VPS13D: variants seen among roughly 807,000 people sequenced by gnomAD.
VPS13D encodes vacuolar protein sorting 13 homolog D.
In VPS13D, 187 loss-of-function variants were observed where a neutral mutation model predicts 461.9. The ratio of observed to expected loss-of-function variants is 0.40; its 90% CI spans 0.36 to 0.46. The LOEUF (loss-of-function observed/expected upper bound fraction) is 0.46. Among genes scored for constraint, VPS13D ranks in the 20% least tolerant of loss-of-function variants. VPS13D has a pLI of 0.60. For synonymous variants in VPS13D, 1,951 were observed against 1,986.3 expected (o/e 0.98, Z 0.47); for missense variants, 4,711 against 5,364.9 (o/e 0.88, Z 3.81).
rs538071177 is a variant in VPS13D, at chr1:12,359,803, A to G, written c.10141+1202A>G. 1.6e-4 allele frequency among the ~76,000 whole-genome samples: 25 copies of G among 152,332 alleles called. No individual in the cohort carries two copies. In the South Asian group the frequency reaches 5.0e-3, roughly 30 times the overall value. The stretch of plus-strand genomic sequence containing the variant: ...ACATTAAGATTTTTAAAAGAAAGAA[A>G]CTTGATTTGATCTTGCAGCACAGGA... On this transcript the variant is annotated intron_variant, in intron 50 of 69. Transcript: ENST00000620676.
intron 10 of VPS13D, among the ~76,000 whole-genome samples, chr1:12,258,552 C>T (rs917672275): frequency 1.3e-5 from 2 of 152,140 alleles, no homozygotes; most frequent in Non-Finnish European, 2.9e-5. Context: ...GGGTGAAGTA[C>T]GTGGTGAAGG....
chr1:12,249,345 T>C lies in VPS13D; in HGVS notation c.564+6T>C, dbSNP rs769782591. 2 of 1,603,208 alleles carry C rather than the reference T, an allele frequency of 1.2e-6. No individual in the cohort carries two copies. Among genetic ancestry groups the C allele is most frequent in the South Asian group, 2.2e-5 (2 of 88,894 alleles). On this transcript the variant is annotated splice_donor_region_variant and intron_variant, in intron 6 of 69. Coordinates refer to ENST00000620676, the MANE Select transcript of VPS13D (RefSeq NM_015378.4). ...AAAATGCTGTGAATGAGCCTGTGAGTATGAAATGTGATGACAAAGCAGGAA... is the reference window on the plus strand; with the variant it reads ...AAAATGCTGTGAATGAGCCTGTGAGCATGAAATGTGATGACAAAGCAGGAA...
chr1:12,379,922 C>G (rs145921820), intron 57 of VPS13D, among the ~76,000 whole-genome samples: 2,944 of 152,194 alleles, frequency 0.019, 113 homozygotes, highest in Admixed American at 0.1. Context: ...GTGCCCGCCA[C>G]CACGCCCGGC....
rs772039780 is a variant in VPS13D at position 12,244,442 on chromosome 1, G to A, written c.366+6G>A. 1.2e-6 allele frequency: 2 copies of A among 1,614,062 alleles called. No individual in the cohort carries two copies. The highest frequency in any genetic ancestry group is 8.5e-7 in the Non-Finnish European group (1 of 1,179,960). ...CCCTGGAGGAGAAATGGAAGGCAAG[G>A]CAGAGATCTTCTGGGCCATAAGAGC... On this transcript the variant is annotated splice_donor_region_variant and intron_variant, in intron 4 of 69. Transcript: ENST00000620676.
chr1:12,382,333 C>G (rs774580228), intron 57 of VPS13D, among the ~76,000 whole-genome samples: 1 of 152,114 alleles, frequency 6.6e-6, no homozygotes, highest in Non-Finnish European at 1.5e-5. Flanking sequence ...AACTCCTGAC[C>G]TCAGATGATT....
intron 2 of VPS13D, among the ~76,000 whole-genome samples, chr1:12,237,636 T>G (rs752159417): frequency 8.0e-5 from 12 of 150,566 alleles, no homozygotes; most frequent in Non-Finnish European, 1.6e-4. Flanking sequence ...CTGGGCAACA[T>G]GGTGAGATCC....
At chr1:12,239,268 C>T (rs1314614789) in intron 2 of VPS13D, among the ~76,000 whole-genome samples, 1 of 152,150 alleles carries the variant, frequency 6.6e-6, no homozygotes. Flanking sequence ...TCCTGAGTAG[C>T]TGGGACTCCA....
chr1:12,253,626 C>T, intron 6 of VPS13D, 96 bp from the exon 7 acceptor site: 1 of 975,728 alleles, frequency 1.0e-6, no homozygotes, highest in Non-Finnish European at 1.6e-6. Context: ...TTGCAAAGTA[C>T]CTGACACATG....
At chr1:12,437,656 T>C (rs1319694540) in intron 65 of VPS13D, among the ~76,000 whole-genome samples, 1 of 152,230 alleles carries the variant, frequency 6.6e-6, no homozygotes, top group Non-Finnish European at 1.5e-5. Flanking sequence ...ATCCATCCTT[T>C]CTTTTTCCAT....
intron 53 of VPS13D, 47 bp downstream of exon 53, chr1:12,368,638 G>T (rs754849830): frequency 3.8e-6 from 6 of 1,592,458 alleles, no homozygotes; most frequent in Non-Finnish European, 4.3e-6. Flanking sequence ...ATGTGTGGGA[G>T]GGTGGAGTGT....
chr1:12,485,664 TG>T (rs1003213715), intron 67 of VPS13D, among the ~76,000 whole-genome samples: 2 of 152,064 alleles, frequency 1.3e-5, no homozygotes, highest in Admixed American at 1.3e-4. Context: ...AAAAGGTTGT[TG>T]GGGGGGTGGG....
intron 2 of VPS13D, among the ~76,000 whole-genome samples, chr1:12,236,783 GCTAAA>G (rs1640160584): frequency 6.6e-6 from 1 of 152,140 alleles, no homozygotes; most frequent in South Asian, 2.1e-4. Flanking sequence ...GATTTTTTTA[GCTAAA>G]CTATGTGTTT....
intron 60 of VPS13D, among the ~76,000 whole-genome samples, chr1:12,395,899 A>T (rs1368587563): frequency 6.7e-6 from 1 of 150,054 alleles, no homozygotes; most frequent in Non-Finnish European, 1.5e-5. Context: ...AAGCCAATGA[A>T]AGAACTCCAT....
intron 68 of VPS13D, 56 bp from the exon 69 acceptor site, chr1:12,506,797 C>G (rs938836712): frequency 1.4e-4 from 225 of 1,586,256 alleles, no homozygotes; most frequent in Admixed American, 7.0e-4. Context: ...TGGGCCTCCC[C>G]CTGATGCTGG....
chr1:12,462,122 A>G (rs1645420955), intron 67 of VPS13D, among the ~76,000 whole-genome samples: 1 of 152,210 alleles, frequency 6.6e-6, no homozygotes, highest in Non-Finnish European at 1.5e-5. Flanking sequence ...TCTGGTCTCA[A>G]AGAGCTTATA....
At chr1:12,349,829 A>G (rs999302377) in intron 46 of VPS13D, among the ~76,000 whole-genome samples, 3 of 152,206 alleles carry the variant, frequency 2.0e-5, no homozygotes, top group Non-Finnish European at 2.9e-5. Context: ...CTAACCATTT[A>G]AACTCCTGTT....
chr1:12,376,471 C>T (rs1265505240), intron 55 of VPS13D, among the ~76,000 whole-genome samples: 1 of 152,214 alleles, frequency 6.6e-6, no homozygotes, highest in African/African-American at 2.4e-5. Flanking sequence ...AGGCTCTACC[C>T]TGTGCCAGGC....
At chr1:12,455,200 A>C (rs1480666112) in intron 65 of VPS13D, among the ~76,000 whole-genome samples, 1 of 152,234 alleles carries the variant, frequency 6.6e-6, no homozygotes, top group Admixed American at 6.5e-5. Flanking sequence ...TTGGCTTTTG[A>C]CAAATGGAGC....
intron 50 of VPS13D, among the ~76,000 whole-genome samples, chr1:12,362,065 G>A (rs1477824731): frequency 6.6e-6 from 1 of 152,016 alleles, no homozygotes; most frequent in Non-Finnish European, 1.5e-5. Flanking sequence ...GTTTCGCCAT[G>A]TTGGCCAGGC....
Sources: allele counts gnomAD v4.1 joint callset (sites outside exome capture counted in the v4.1 genomes callset), GRCh38; gene constraint gnomAD v4.1.1; transcripts MANE v1.5; gene names NCBI Gene and HGNC (gene_info 2026-07-23, HGNC 2026-07-21).